UST: variants seen among roughly 807,000 people sequenced by gnomAD.
The protein encoded by UST is uronyl 2-sulfotransferase, also known as chondroitin sulfate 2-O-sulfotransferase.
In UST, 21 loss-of-function variants were observed where a neutral mutation model predicts 45.6. The observed-to-expected ratio is 0.46, with a 90% CI of 0.33 to 0.66. The LOEUF is 0.66. Among genes scored for constraint, UST ranks in the 30% least tolerant of loss-of-function variants. The pLI is 0.02. For missense variants in UST, 463 were observed against 512.4 expected, an observed-to-expected ratio of 0.90 and a Z score of 0.93; for synonymous variants, 215 against 200.6, an observed-to-expected ratio of 1.07 and a Z score of -0.61.
chr6:148,773,741 A>G (rs1776477176), intron 1 of UST, among the ~76,000 whole-genome samples: 1 of 152,194 alleles, frequency 6.6e-6, no homozygotes, highest in African/African-American at 2.4e-5. Context: ...GTCAGAGTGA[A>G]GGTGTGAATT....
At chr6:149,042,955 TTTTC>T (rs1158496318) in intron 7 of UST, among the ~76,000 whole-genome samples, 14,322 of 108,266 alleles carry the variant, frequency 0.13, 830 homozygotes, top group East Asian at 0.21. Flanking sequence ...ATCACCATCC[TTTTC>T]TTTCTTTCTT....
At chr6:149,029,465 T>TA (rs1023453901) in intron 7 of UST, among the ~76,000 whole-genome samples, 73 of 145,146 alleles carry the variant, frequency 5.0e-4, no homozygotes, top group African/African-American at 1.7e-3. Context: ...ACATTATATA[T>TA]TATATATATA....
chr6:148,909,811 C>G (rs911180158), intron 2 of UST, among the ~76,000 whole-genome samples: 1 of 152,038 alleles, frequency 6.6e-6, no homozygotes, highest in Non-Finnish European at 1.5e-5. Context: ...CACTGTCCCC[C>G]CCGCCACAGC....
intron 7 of UST, among the ~76,000 whole-genome samples, chr6:149,022,950 G>A (rs923103274): frequency 3.3e-5 from 5 of 152,212 alleles, no homozygotes; most frequent in African/African-American, 9.6e-5. Flanking sequence ...GAATTTTAAT[G>A]TAAAGAGTTT....
intron 7 of UST, among the ~76,000 whole-genome samples, chr6:149,064,664 T>C (rs568514391): frequency 2.0e-4 from 30 of 152,310 alleles, no homozygotes; most frequent in Admixed American, 3.9e-4. Context: ...GCCTGAATTT[T>C]AGAATCTTTA....
chr6:148,993,112 C>A, intron 5 of UST: 1 of 968,056 alleles, frequency 1.0e-6, no homozygotes, highest in Non-Finnish European at 1.2e-6. Flanking sequence ...CAGTTAACAT[C>A]TTAAATGCCC....
intron 5 of UST, among the ~76,000 whole-genome samples, chr6:149,004,617 A>G (rs1258567614): frequency 6.6e-6 from 1 of 152,224 alleles, no homozygotes. Context: ...CACTGGAGGT[A>G]GTACCTAGTG....
At chr6:148,904,664 C>T (rs1476458549) in intron 2 of UST, among the ~76,000 whole-genome samples, 4 of 152,090 alleles carry the variant, frequency 2.6e-5, no homozygotes, top group Admixed American at 1.3e-4. Context: ...GTTGGGATTA[C>T]AGGCACCCAC....
At chr6:148,812,011 A>C (rs773852236) in intron 1 of UST, among the ~76,000 whole-genome samples, 2 of 152,198 alleles carry the variant, frequency 1.3e-5, no homozygotes, top group Admixed American at 6.5e-5. Context: ...GATCTTTAAC[A>C]TTCACCATTC....
At chr6:148,923,317 A>G (rs1779751533) in intron 2 of UST, among the ~76,000 whole-genome samples, 1 of 152,220 alleles carries the variant, frequency 6.6e-6, no homozygotes, top group Non-Finnish European at 1.5e-5. Flanking sequence ...TCTGGGTCAT[A>G]TAGTAACTCT....
chr6:148,913,943 A>G (rs1779530766), intron 2 of UST, among the ~76,000 whole-genome samples: 1 of 152,164 alleles, frequency 6.6e-6, no homozygotes, highest in South Asian at 2.1e-4. Context: ...TCTCCCCAAG[A>G]TTCATATGTT....
chr6:148,827,175 C>T (rs1304978957), intron 1 of UST, among the ~76,000 whole-genome samples: 3 of 152,096 alleles, frequency 2.0e-5, no homozygotes, highest in South Asian at 2.1e-4. Flanking sequence ...CTTTGGGGTA[C>T]GCTGGCAAAT....
intron 1 of UST, among the ~76,000 whole-genome samples, chr6:148,829,865 AT>A (rs1777649467): frequency 6.6e-6 from 1 of 152,204 alleles, no homozygotes; most frequent in South Asian, 2.1e-4. Flanking sequence ...AGGGACTATT[AT>A]TTTGGAAGGT....
intron 1 of UST, among the ~76,000 whole-genome samples, chr6:148,797,042 C>T (rs948667483): frequency 2.6e-5 from 4 of 151,982 alleles, no homozygotes; most frequent in African/African-American, 7.3e-5. Flanking sequence ...GGTGATCCAC[C>T]GGCCACTTCC....
intron 1 of UST, among the ~76,000 whole-genome samples, chr6:148,871,892 A>C (rs1185472386): frequency 1.3e-5 from 2 of 152,202 alleles, no homozygotes; most frequent in African/African-American, 4.8e-5. Context: ...TGGAGTGAGC[A>C]AGCACCTGGG....
At chr6:148,908,428 A>G (rs1779409171) in intron 2 of UST, among the ~76,000 whole-genome samples, 1 of 152,210 alleles carries the variant, frequency 6.6e-6, no homozygotes, top group Non-Finnish European at 1.5e-5. Context: ...GAAGTCACCA[A>G]AAGAATCATT....
chr6:149,030,483 A>AC (rs1192396619), intron 7 of UST, among the ~76,000 whole-genome samples: 2 of 151,632 alleles, frequency 1.3e-5, no homozygotes, highest in African/African-American at 2.4e-5. Flanking sequence ...CTACCAAAAA[A>AC]AAAAAATTAA....
chr6:148,835,985 A>G (rs528340511), intron 1 of UST, among the ~76,000 whole-genome samples: 3 of 152,308 alleles, frequency 2.0e-5, no homozygotes, highest in African/African-American at 7.2e-5. Context: ...TGTCTGGCCA[A>G]TAACTTACTG....
intron 7 of UST, among the ~76,000 whole-genome samples, chr6:149,066,522 T>C (rs142972960): frequency 9.9e-4 from 151 of 152,138 alleles, no homozygotes; most frequent in African/African-American, 2.5e-3. Context: ...GAATTGGATA[T>C]TAATGCAAAA....
Sources: allele counts gnomAD v4.1 joint callset (sites outside exome capture counted in the v4.1 genomes callset), GRCh38; gene constraint gnomAD v4.1.1; transcripts MANE v1.5; gene names NCBI Gene and HGNC (gene_info 2026-07-23, HGNC 2026-07-21).